The following MROH9 variants were observed in gnomAD, a reference collection of about 807,000 sequenced individuals.
MROH9 encodes the protein maestro heat-like repeat-containing protein family member 9.
MROH9 carries 92 observed loss-of-function variants against 98.2 expected under a neutral mutation model. The ratio of observed to expected loss-of-function variants is 0.94; its 90% confidence interval spans 0.79 to 1.11. The LOEUF is 1.11. Ranked by LOEUF, MROH9 falls within the 50% of genes most tolerant of loss-of-function variation. The pLI is 0.00. For synonymous variants in MROH9, 397 were observed against 368.9 expected (o/e 1.08, Z -0.87); for missense variants, 1,057 against 1,014.8 (o/e 1.04, Z -0.57).
At chr1:171,037,030 A>AGATTG (rs561780887) in intron 20 of MROH9, among the ~76,000 whole-genome samples, 339 of 150,430 alleles carry the variant, frequency 2.3e-3, no homozygotes, top group Non-Finnish European at 3.5e-3. Flanking sequence ...AGAGGCTTCA[A>AGATTG]GAGCACAAGT....
intron 17 of MROH9, among the ~76,000 whole-genome samples, chr1:171,020,378 A>G (rs1383298353): frequency 6.6e-6 from 1 of 152,220 alleles, no homozygotes; most frequent in Non-Finnish European, 1.5e-5. Context: ...AATACTGGCA[A>G]AACAAATCCA....
intron 3 of MROH9, among the ~76,000 whole-genome samples, chr1:170,954,525 A>G (rs35672955): frequency 3.3e-5 from 5 of 152,016 alleles, no homozygotes; most frequent in Non-Finnish European, 5.9e-5. Context: ...CATAAATAGG[A>G]TTGCTGAATC....
At chr1:170,999,492 A>C (rs1265478705) in intron 15 of MROH9, among the ~76,000 whole-genome samples, 1 of 151,980 alleles carries the variant, frequency 6.6e-6, no homozygotes, top group African/African-American at 2.4e-5. Flanking sequence ...AATGCTGTTA[A>C]TTCATTCCTT....
intron 3 of MROH9, among the ~76,000 whole-genome samples, chr1:170,950,609 C>A (rs1398160679): frequency 6.6e-6 from 1 of 152,056 alleles, no homozygotes; most frequent in Non-Finnish European, 1.5e-5. Context: ...GGGATGGGAG[C>A]TAGAGAAGGG....
intron 20 of MROH9, among the ~76,000 whole-genome samples, chr1:171,036,353 C>A (rs1214281646): frequency 6.6e-6 from 1 of 151,878 alleles, no homozygotes; most frequent in Non-Finnish European, 1.5e-5. Context: ...ATGCGTTATA[C>A]CTAGATGTTT....
intron 20 of MROH9, among the ~76,000 whole-genome samples, chr1:171,060,827 T>C (rs185427092): frequency 6.6e-6 from 1 of 152,286 alleles, no homozygotes; most frequent in African/African-American, 2.4e-5. Context: ...AAGCAAACAT[T>C]TCCTGAACAG....
Position 170,959,576 on chromosome 1 carries a change from T to G in MROH9, c.267T>G (p.Tyr89Ter), listed in dbSNP as rs759350541. ...LDKVKEMGSS[Y>*]EYIEDMENLY... is the part of the protein sequence containing the mutation. ...AAGTAAAAGAAATGGGGAGCAGTTATGAGTACATTGAGGACATGGAGGTAA... is the reference window on the plus strand; with the variant it reads ...AAGTAAAAGAAATGGGGAGCAGTTAGGAGTACATTGAGGACATGGAGGTAA... Residue 89 changes from tyrosine (Y) to a stop codon, truncating the protein, a stop_gained, in exon 5 of 22, where the codon TAT becomes TAG. Transcript: ENST00000367759. LOFTEE classifies it high-confidence loss of function. The G allele has an allele frequency of 8.1e-6, 13 of 1,613,134 alleles. No individual in the cohort carries two copies. The highest frequency in any genetic ancestry group is 1.1e-5 in the Non-Finnish European group (13 of 1,179,708).
chr1:171,007,776 G>A (rs1478988187), intron 15 of MROH9, among the ~76,000 whole-genome samples: 2 of 152,148 alleles, frequency 1.3e-5, no homozygotes, highest in Non-Finnish European at 2.9e-5. Context: ...CATAACCAAA[G>A]TCAGCAGGCC....
chr1:171,057,377 A>G (rs1386991534), intron 20 of MROH9, among the ~76,000 whole-genome samples: 2 of 152,210 alleles, frequency 1.3e-5, no homozygotes, highest in Admixed American at 6.5e-5. Flanking sequence ...GAGTTTGAAG[A>G]CCACTTTATT....
intron 15 of MROH9, among the ~76,000 whole-genome samples, chr1:171,001,740 T>C (rs987514008): frequency 2.0e-5 from 3 of 152,182 alleles, no homozygotes; most frequent in Non-Finnish European, 4.4e-5. Context: ...ATACTCTGTA[T>C]ATATCAGTTA....
chr1:171,017,447 G>A (rs1349325208), intron 17 of MROH9, among the ~76,000 whole-genome samples: 1 of 152,184 alleles, frequency 6.6e-6, no homozygotes, highest in South Asian at 2.1e-4. Flanking sequence ...GTGAGCCCAT[G>A]CCATAAGGAC....
At chr1:170,947,994 C>G (rs1289719436) in intron 3 of MROH9, among the ~76,000 whole-genome samples, 1 of 151,940 alleles carries the variant, frequency 6.6e-6, no homozygotes, top group Admixed American at 6.6e-5. Flanking sequence ...GAGAGCCATT[C>G]TAGTTTGTGT....
chr1:171,032,500 C>T (rs1481943459), intron 20 of MROH9, among the ~76,000 whole-genome samples: 1 of 151,824 alleles, frequency 6.6e-6, no homozygotes, highest in Non-Finnish European at 1.5e-5. Context: ...TTTCTTTCTG[C>T]TTGTTTTTCT....
At chr1:171,025,449 A>G (rs1180476460) in intron 20 of MROH9, 29 bp downstream of exon 20, 1 of 1,382,318 alleles carries the variant, frequency 7.2e-7, no homozygotes, top group South Asian at 1.2e-5. Context: ...TCAATTCCTA[A>G]CTTGTCTTAA....
chr1:170,966,764 G>A (rs1007903471), intron 7 of MROH9, among the ~76,000 whole-genome samples: 6 of 152,078 alleles, frequency 3.9e-5, no homozygotes, highest in African/African-American at 1.2e-4. Flanking sequence ...GACCTGGGAA[G>A]GCAGCCTTTC....
intron 20 of MROH9, among the ~76,000 whole-genome samples, chr1:171,026,268 C>A (rs556005498): frequency 6.8e-6 from 1 of 147,092 alleles, no homozygotes; most frequent in African/African-American, 2.7e-5. Flanking sequence ...AACTTTCTGT[C>A]ATTTTCTTTT....
At chr1:170,967,164 G>A (rs537509820) in intron 7 of MROH9, among the ~76,000 whole-genome samples, 1 of 152,268 alleles carries the variant, frequency 6.6e-6, no homozygotes, top group South Asian at 2.1e-4. Flanking sequence ...TTAGTTGAGA[G>A]TTCCTAGCTA....
At chr1:171,063,975 G>C (rs1330703201) in intron 21 of MROH9, 124 bp from the exon 22 acceptor site, 1 of 941,722 alleles carries the variant, frequency 1.1e-6, no homozygotes, top group African/African-American at 1.7e-5. Flanking sequence ...AATGCAGAGG[G>C]AATGCAGAGG....
At chr1:171,055,486 G>C (rs1040506045) in intron 20 of MROH9, among the ~76,000 whole-genome samples, 44 of 152,170 alleles carry the variant, frequency 2.9e-4, no homozygotes, top group Non-Finnish European at 1.8e-4. Flanking sequence ...AGCCAGGCAT[G>C]GTGGTGCATG....
Sources: gnomAD v4.1 joint callset for allele counts (sites outside exome capture counted in the v4.1 genomes callset) on GRCh38, gnomAD v4.1.1 for gene constraint, MANE v1.5 for transcripts, NCBI Gene and HGNC (gene_info 2026-07-23, HGNC 2026-07-21) for gene names.